Variants in CHRM3 observed in about 807,000 individuals in gnomAD.
The protein encoded by CHRM3 is cholinergic receptor muscarinic 3.
A neutral mutation model predicts 41.8 loss-of-function variants in CHRM3; 11 were observed. The observed-to-expected ratio is 0.26, with a 90% CI of 0.17 to 0.44. The LOEUF (loss-of-function observed/expected upper bound fraction) is 0.44. Among genes scored for constraint, CHRM3 ranks in the 20% least tolerant of loss-of-function variants. The pLI, the probability that CHRM3 is intolerant of heterozygous loss-of-function variation, is 1.00. For synonymous variants in CHRM3, 297 were observed against 301.4 expected (o/e 0.99, Z 0.15); for missense variants, 571 against 745.4 (o/e 0.77, Z 2.72).
At chr1:239,753,535 AAC>A (rs1666003676) in intron 5 of CHRM3, among the ~76,000 whole-genome samples, 1 of 152,148 alleles carries the variant, frequency 6.6e-6, no homozygotes, top group Admixed American at 6.5e-5. Flanking sequence ...ATCTCATGAG[AAC>A]TTACTCACTA....
At chr1:239,758,296 A>AT (rs1244261539) in intron 5 of CHRM3, among the ~76,000 whole-genome samples, 1 of 152,166 alleles carries the variant, frequency 6.6e-6, no homozygotes, top group Non-Finnish European at 1.5e-5. Flanking sequence ...CAGAAGATGT[A>AT]TTTTTGTTCA....
intron 4 of CHRM3, among the ~76,000 whole-genome samples, chr1:239,654,926 T>C (rs1469612681): frequency 6.6e-6 from 1 of 152,194 alleles, no homozygotes; most frequent in Non-Finnish European, 1.5e-5. Context: ...TCTAATAGAT[T>C]CACACTGACT....
At chr1:239,427,200 A>G (rs1444899040) in intron 1 of CHRM3, among the ~76,000 whole-genome samples, 1 of 152,156 alleles carries the variant, frequency 6.6e-6, no homozygotes, top group Non-Finnish European at 1.5e-5. Flanking sequence ...TCCCAGCAGG[A>G]AGCAGATGTC....
intron 1 of CHRM3, among the ~76,000 whole-genome samples, chr1:239,399,922 T>C (rs988907842): frequency 6.6e-6 from 1 of 152,130 alleles, no homozygotes; most frequent in Non-Finnish European, 1.5e-5. Context: ...TATTTTATTT[T>C]ACTTTTTTGA....
At chr1:239,703,402 G>A (rs1660862954) in intron 5 of CHRM3, 1 of 152,184 alleles carries the variant, frequency 6.6e-6, no homozygotes, top group African/African-American at 2.4e-5. Flanking sequence ...ATTTTATTTT[G>A]TTTTGAGGAG....
chr1:239,781,500 C>T (rs1668506737), intron 5 of CHRM3, among the ~76,000 whole-genome samples: 1 of 152,098 alleles, frequency 6.6e-6, no homozygotes, highest in Non-Finnish European at 1.5e-5. Flanking sequence ...AGGGTTTGTT[C>T]TTCTATTTTT....
chr1:239,820,586 G>C (rs1218112262), intron 5 of CHRM3, among the ~76,000 whole-genome samples: 1 of 152,132 alleles, frequency 6.6e-6, no homozygotes, highest in Non-Finnish European at 1.5e-5. Context: ...ATGTTGATGG[G>C]GGGAGAAAGG....
intron 5 of CHRM3, among the ~76,000 whole-genome samples, chr1:239,710,193 T>C (rs915404784): frequency 5.3e-5 from 8 of 152,178 alleles, no homozygotes; most frequent in East Asian, 1.9e-4. Context: ...AAGTGTTATA[T>C]GTATAACTAT....
chr1:239,435,457 TAAA>T (rs199621116), intron 1 of CHRM3, among the ~76,000 whole-genome samples: 2 of 136,268 alleles, frequency 1.5e-5, no homozygotes, highest in Non-Finnish European at 1.6e-5. Context: ...TCATAAAATT[TAAA>T]AAAAAAAAAA....
chr1:239,804,372 T>G (rs1381862315), intron 5 of CHRM3, among the ~76,000 whole-genome samples: 4 of 152,046 alleles, frequency 2.6e-5, no homozygotes, highest in African/African-American at 9.7e-5. Context: ...CATAGTGGAC[T>G]GCAATGTGGA....
intron 5 of CHRM3, among the ~76,000 whole-genome samples, chr1:239,820,689 G>T (rs933513348): frequency 2.6e-5 from 4 of 152,076 alleles, no homozygotes; most frequent in Non-Finnish European, 5.9e-5. Context: ...GCAACAGGAA[G>T]ATGCCATGTT....
intron 1 of CHRM3, among the ~76,000 whole-genome samples, chr1:239,438,862 G>A (rs968437228): frequency 2.6e-5 from 4 of 152,118 alleles, no homozygotes; most frequent in Non-Finnish European, 5.9e-5. Flanking sequence ...CAAGCAAAAA[G>A]TTGCCCAAAT....
intron 5 of CHRM3, among the ~76,000 whole-genome samples, chr1:239,788,556 G>A (rs968181301): frequency 5.3e-5 from 8 of 151,936 alleles, no homozygotes; most frequent in Middle Eastern, 3.2e-3. Context: ...CCTTGAGGTC[G>A]GGAGTTCCAG....
intron 3 of CHRM3, among the ~76,000 whole-genome samples, chr1:239,564,342 A>G (rs2148504391): frequency 6.6e-6 from 1 of 152,316 alleles, no homozygotes; most frequent in African/African-American, 2.4e-5. Context: ...TCCAAAAGAT[A>G]AGAGAACTGG....
intron 5 of CHRM3, among the ~76,000 whole-genome samples, chr1:239,733,393 T>C (rs1267506679): frequency 1.3e-5 from 2 of 151,922 alleles, no homozygotes; most frequent in Non-Finnish European, 2.9e-5. Context: ...CAAAGACTTA[T>C]GAACGAAGGG....
intron 3 of CHRM3, among the ~76,000 whole-genome samples, chr1:239,583,651 C>T (rs1414498652): frequency 1.3e-5 from 2 of 152,088 alleles, no homozygotes; most frequent in Non-Finnish European, 2.9e-5. Flanking sequence ...TTTCTCCTTC[C>T]CCACACCCAC....
At chr1:239,408,096 G>C (rs1158826030) in intron 1 of CHRM3, 1 of 152,086 alleles carries the variant, frequency 6.6e-6, no homozygotes, top group African/African-American at 2.4e-5. Flanking sequence ...CTGACTCATG[G>C]GGGTGGTTAC....
chr1:239,898,737 T>C (rs1679224178), intron 6 of CHRM3, among the ~76,000 whole-genome samples: 1 of 152,208 alleles, frequency 6.6e-6, no homozygotes, highest in African/African-American at 2.4e-5. Context: ...GAAATGAGTT[T>C]ATCTCCTTGG....
chr1:239,519,764 T>TTTC (rs1468572666), intron 2 of CHRM3, among the ~76,000 whole-genome samples: 13 of 144,920 alleles, frequency 9.0e-5, no homozygotes, highest in Non-Finnish European at 1.8e-4. Flanking sequence ...TTTTTTTTTT[T>TTTC]TGAGACAGAG....
Sources: allele counts gnomAD v4.1 joint callset (sites outside exome capture counted in the v4.1 genomes callset), GRCh38; gene constraint gnomAD v4.1.1; transcripts MANE v1.5; gene names NCBI Gene and HGNC (gene_info 2026-07-23, HGNC 2026-07-21).